The following EPC1 variants were observed in gnomAD, a reference collection of about 807,000 sequenced individuals.
EPC1 encodes the protein enhancer of polycomb homolog 1.
A neutral mutation model predicts 98.4 loss-of-function variants in EPC1; 12 were observed. The observed-to-expected ratio is 0.12, with a 90% CI of 0.08 to 0.20. The LOEUF (loss-of-function observed/expected upper bound fraction) is 0.20, where lower values mean the gene tolerates loss of function less well. Ranked by LOEUF, EPC1 falls within the 10% of genes least tolerant of loss-of-function variation. The pLI is 1.00. For missense variants in EPC1, 729 were observed against 990.5 expected (o/e 0.74, Z 3.54); for synonymous variants, 357 against 363.9 (o/e 0.98, Z 0.21).
At chr10:32,352,393 A>G (rs890167372) in intron 1 of EPC1, among the ~76,000 whole-genome samples, 5 of 152,004 alleles carry the variant, frequency 3.3e-5, no homozygotes, top group Non-Finnish European at 7.4e-5. Flanking sequence ...CCTGCCTCAG[A>G]CTGTCTACCG....
intron 1 of EPC1, among the ~76,000 whole-genome samples, chr10:32,364,375 T>A (rs1230523320): frequency 1.3e-5 from 2 of 152,118 alleles, no homozygotes; most frequent in South Asian, 2.1e-4. Context: ...AAAGCAAAAA[T>A]TTTTTTAAGC....
intron 1 of EPC1, among the ~76,000 whole-genome samples, chr10:32,359,195 A>G (rs1021989044): frequency 2.1e-4 from 32 of 152,326 alleles, no homozygotes; most frequent in Admixed American, 7.2e-4. Context: ...AGTCTGCCAA[A>G]TAAACTTTGA....
chr10:32,273,555 AT>A (rs34086785), intron 10 of EPC1, among the ~76,000 whole-genome samples: 3,080 of 149,784 alleles, frequency 0.021, 107 homozygotes, highest in African/African-American at 0.071. Flanking sequence ...CAACACCACT[AT>A]TTTTTTTTTA....
At chr10:32,342,644 A>G (rs958265819) in intron 1 of EPC1, among the ~76,000 whole-genome samples, 2 of 152,220 alleles carry the variant, frequency 1.3e-5, no homozygotes, top group East Asian at 1.9e-4. Flanking sequence ...TAGTATCAAT[A>G]TGAAAACATC....
At chr10:32,277,669 TC>T (rs1836171510) in intron 10 of EPC1, among the ~76,000 whole-genome samples, 1 of 152,116 alleles carries the variant, frequency 6.6e-6, no homozygotes, top group South Asian at 2.1e-4. Flanking sequence ...CAACTGATCC[TC>T]CCACCTCAGC....
Position 32,302,991 on chromosome 10 carries a change from T to C in EPC1, c.313+2781A>G, listed in dbSNP as rs1031324782. Among the ~76,000 whole-genome samples, 63 of 152,072 alleles carry C rather than the reference T, an allele frequency of 4.1e-4. 1 individual carries two copies. Among genetic ancestry groups the C allele is most frequent in the African/African-American group, 1.5e-3 (61 of 41,466 alleles). On this transcript the variant is annotated intron_variant, in intron 2 of 13. Transcript: ENST00000319778. The stretch of plus-strand genomic sequence containing the variant: ...AACCCTGCAACTACACTCATGAATA[T>C]ATACCCCAGAGGAAGAAAAACTCAT...
chr10:32,316,035 G>T (rs1048536505), intron 1 of EPC1, among the ~76,000 whole-genome samples: 2 of 152,048 alleles, frequency 1.3e-5, no homozygotes, highest in Non-Finnish European at 2.9e-5. Flanking sequence ...CTCTGCTATA[G>T]TCATACTGGA....
chr10:32,339,675 T>C (rs1838210668), intron 1 of EPC1, among the ~76,000 whole-genome samples: 1 of 152,228 alleles, frequency 6.6e-6, no homozygotes, highest in African/African-American at 2.4e-5. Flanking sequence ...AAATATAATG[T>C]TAAGTATCTT....
chr10:32,353,028 G>A, intron 1 of EPC1, among the ~76,000 whole-genome samples: 1 of 152,052 alleles, frequency 6.6e-6, no homozygotes, highest in Non-Finnish European at 1.5e-5. Context: ...GGTGGCACAT[G>A]CCTGTAATCC....
At chr10:32,299,064 ATTTTG>A (rs1424832583) in intron 2 of EPC1, among the ~76,000 whole-genome samples, 12 of 152,194 alleles carry the variant, frequency 7.9e-5, no homozygotes, top group Admixed American at 6.5e-5. Flanking sequence ...TTAAATTTTT[ATTTTG>A]TTTTATCATA....
chr10:32,330,577 T>C (rs1837582735), intron 1 of EPC1, among the ~76,000 whole-genome samples: 1 of 152,230 alleles, frequency 6.6e-6, no homozygotes, highest in African/African-American at 2.4e-5. Flanking sequence ...CACTGGATTA[T>C]ATTCCATTAT....
chr10:32,275,082 T>C (rs911543323), intron 10 of EPC1, among the ~76,000 whole-genome samples: 1 of 152,222 alleles, frequency 6.6e-6, no homozygotes, highest in Non-Finnish European at 1.5e-5. Context: ...TCATCACATA[T>C]ATAGAAAAAC....
chr10:32,273,282 C>CTGAA lies in EPC1; in HGVS notation c.1745-5_1745-2dup. ...TGCTGGTATTGTTCGGCTGTAAATG[C>CTGAA]TGAACATAAAATAAAGAAACACTTT... On this transcript the variant is annotated splice_acceptor_variant, in intron 10 of 13. Transcript: ENST00000319778. LOFTEE classifies it high-confidence loss of function. 6.2e-7 allele frequency: 1 copy of CTGAA among 1,613,752 alleles called. No homozygotes were observed. Among genetic ancestry groups the CTGAA allele is most frequent in the South Asian group, 1.1e-5 (1 of 91,054 alleles).
intron 1 of EPC1, among the ~76,000 whole-genome samples, chr10:32,341,620 A>C (rs1032741890): frequency 6.6e-6 from 1 of 152,236 alleles, no homozygotes; most frequent in Non-Finnish European, 1.5e-5. Flanking sequence ...ATACCATTAG[A>C]TACATAAACA....
At chr10:32,353,464 G>C (rs1042921940) in intron 1 of EPC1, among the ~76,000 whole-genome samples, 2 of 152,192 alleles carry the variant, frequency 1.3e-5, no homozygotes, top group African/African-American at 4.8e-5. Context: ...GTGATGCAAA[G>C]AGTTAAACTC....
chr10:32,326,692 G>T (rs948891331), intron 1 of EPC1, among the ~76,000 whole-genome samples: 1 of 152,134 alleles, frequency 6.6e-6, no homozygotes, highest in Non-Finnish European at 1.5e-5. Context: ...TTTGGTAAAA[G>T]TCAGTTATAA....
At chr10:32,337,805 C>CT (rs1173961649) in intron 1 of EPC1, among the ~76,000 whole-genome samples, 1 of 152,128 alleles carries the variant, frequency 6.6e-6, no homozygotes, top group East Asian at 1.9e-4. Context: ...ATTATTTCTT[C>CT]TACTCCAGCT....
chr10:32,328,193 G>A (rs905019382), intron 1 of EPC1, among the ~76,000 whole-genome samples: 1 of 152,144 alleles, frequency 6.6e-6, no homozygotes, highest in South Asian at 2.1e-4. Flanking sequence ...ACATCTGAAC[G>A]GGTTAAAGAG....
chr10:32,283,738 T>G (rs1280364523), intron 10 of EPC1: 1 of 152,226 alleles, frequency 6.6e-6, no homozygotes, highest in Non-Finnish European at 1.5e-5. Flanking sequence ...GTTTATGTTA[T>G]TGGTAATTCT....
Sources: allele counts gnomAD v4.1 joint callset (sites outside exome capture counted in the v4.1 genomes callset), GRCh38; gene constraint gnomAD v4.1.1; transcripts MANE v1.5; gene names NCBI Gene and HGNC (gene_info 2026-07-23, HGNC 2026-07-21).